MAP4K4: variants seen among roughly 807,000 people sequenced by gnomAD.
The protein encoded by MAP4K4 is HPK/GCK-like kinase HGK.
In MAP4K4, 38 loss-of-function variants were observed where a neutral mutation model predicts 189.6. The ratio of observed to expected loss-of-function variants is 0.20; its 90% CI spans 0.15 to 0.26. The LOEUF (loss-of-function observed/expected upper bound fraction) is 0.26. Ranked by LOEUF, MAP4K4 falls within the 10% of genes least tolerant of loss-of-function variation. The pLI, the probability that MAP4K4 is intolerant of heterozygous loss-of-function variation, is 1.00. For synonymous variants in MAP4K4, 610 were observed against 624.3 expected (o/e 0.98, Z 0.34); for missense variants, 1,054 against 1,726.9 (o/e 0.61, Z 6.91).
chr2:101,778,303 C>T (rs185233950), intron 2 of MAP4K4, among the ~76,000 whole-genome samples: 145 of 152,336 alleles, frequency 9.5e-4, no homozygotes, highest in African/African-American at 3.4e-3. Flanking sequence ...CTCACCTCTG[C>T]GTGTCTCTGA....
chr2:101,780,961 A>G (rs2087034538), intron 2 of MAP4K4, among the ~76,000 whole-genome samples: 1 of 152,180 alleles, frequency 6.6e-6, no homozygotes, highest in African/African-American at 2.4e-5. Context: ...TCTTGCTATT[A>G]AACAAAAATT....
At chr2:101,722,155 CAG>C (rs1345547820) in intron 2 of MAP4K4, among the ~76,000 whole-genome samples, 1 of 152,202 alleles carries the variant, frequency 6.6e-6, no homozygotes, top group African/African-American at 2.4e-5. Context: ...CACTATAAAG[CAG>C]AGAGTCCTAA....
chr2:101,845,694 T>C (rs533127109), intron 12 of MAP4K4, among the ~76,000 whole-genome samples: 1 of 152,242 alleles, frequency 6.6e-6, no homozygotes, highest in Non-Finnish European at 1.5e-5. Context: ...CAGTTCATCA[T>C]TGACCAAAAC....
At chr2:101,844,757 T>C (rs1035514826) in intron 12 of MAP4K4, among the ~76,000 whole-genome samples, 2 of 152,002 alleles carry the variant, frequency 1.3e-5, no homozygotes, top group African/African-American at 2.4e-5. Context: ...TTTTTTTTTT[T>C]CTAAATGCCT....
At chr2:101,802,075 A>G (rs1226893316) in intron 3 of MAP4K4, among the ~76,000 whole-genome samples, 2 of 152,222 alleles carry the variant, frequency 1.3e-5, no homozygotes, top group African/African-American at 4.8e-5. Flanking sequence ...TCAAGTTAGT[A>G]ACTGCTGGTT....
chr2:101,843,998 C>T, intron 11 of MAP4K4, 103 bp from the exon 12 acceptor site: 1 of 740,972 alleles, frequency 1.3e-6, no homozygotes, highest in Non-Finnish European at 2.3e-6. Context: ...CAGAGGAACT[C>T]AGAGAATGAA....
Position 101,698,860 on chromosome 2 carries a change from T to G in MAP4K4, c.123+322T>G, listed in dbSNP as rs1331091467. 5.9e-5 allele frequency among the ~76,000 whole-genome samples: 9 copies of G among 152,314 alleles called. No individual in the cohort carries two copies. The East Asian group carries it at 1.7e-3, about 29-fold the overall frequency. On this transcript the variant is annotated intron_variant, in intron 2 of 32. Transcript: ENST00000324219. Reference sequence around the variant, plus strand: ...TTTCTTTTTTTCCCCAAATCCGGCCTTCTGAGTTTGTGTGTAAATTGAAAT... The same window carrying G: ...TTTCTTTTTTTCCCCAAATCCGGCCGTCTGAGTTTGTGTGTAAATTGAAAT...
chr2:101,829,467 C>T (rs905051794), intron 5 of MAP4K4, 37 bp from the exon 6 acceptor site: 2 of 1,457,000 alleles, frequency 1.4e-6, no homozygotes, highest in Non-Finnish European at 9.5e-7. Flanking sequence ...CTTATAGTCA[C>T]AGAAAACTAA....
At chr2:101,781,314 C>T (rs747743845) in intron 2 of MAP4K4, among the ~76,000 whole-genome samples, 2 of 152,118 alleles carry the variant, frequency 1.3e-5, no homozygotes, top group South Asian at 2.1e-4. Context: ...CTCTTCTGCC[C>T]GTTTTCCCCA....
intron 13 of MAP4K4, among the ~76,000 whole-genome samples, chr2:101,857,243 A>T (rs367738468): frequency 3.4e-5 from 5 of 148,792 alleles, no homozygotes; most frequent in Non-Finnish European, 7.5e-5. Context: ...CACCACTTTT[A>T]AAAAAAAAAA....
chr2:101,848,096 GC>G (rs1396943441), intron 12 of MAP4K4, among the ~76,000 whole-genome samples: 1 of 152,146 alleles, frequency 6.6e-6, no homozygotes, highest in African/African-American at 2.4e-5. Context: ...GTTTGTGTGT[GC>G]ACACTATATG....
chr2:101,851,265 CTGTT>C (rs1247581147), intron 12 of MAP4K4, among the ~76,000 whole-genome samples: 6 of 152,192 alleles, frequency 3.9e-5, no homozygotes, highest in Non-Finnish European at 7.4e-5. Context: ...GTTTTTCTGT[CTGTT>C]TGATTTTATT....
chr2:101,755,041 C>CA (rs2071564843), intron 2 of MAP4K4, among the ~76,000 whole-genome samples: 1 of 152,108 alleles, frequency 6.6e-6, no homozygotes, highest in Non-Finnish European at 1.5e-5. Context: ...TCTATATGGG[C>CA]AGCTGCTTCA....
intron 2 of MAP4K4, among the ~76,000 whole-genome samples, chr2:101,709,530 A>G (rs1003029531): frequency 1.3e-5 from 2 of 152,136 alleles, no homozygotes; most frequent in Non-Finnish European, 2.9e-5. Flanking sequence ...ACAAGAATAC[A>G]GTTTCTTTCT....
intron 2 of MAP4K4, among the ~76,000 whole-genome samples, chr2:101,785,666 C>CTTTTCTTTTCTTTTCTTTTCTTTTCT (rs1558912598): frequency 6.5e-5 from 3 of 46,438 alleles, no homozygotes; most frequent in African/African-American, 5.0e-4. Flanking sequence ...CTTCTTCTTT[C>CTTTTCTTTTCTTTTCTTTTCTTTTCT]TTTCTTTCTC....
chr2:101,852,968 A>G (rs1378288958), intron 12 of MAP4K4, among the ~76,000 whole-genome samples: 1 of 152,238 alleles, frequency 6.6e-6, no homozygotes, highest in East Asian at 1.9e-4. Context: ...TGGCAGACAC[A>G]CTTATTACAA....
At chr2:101,776,213 A>G (rs2084015742) in intron 2 of MAP4K4, among the ~76,000 whole-genome samples, 1 of 152,284 alleles carries the variant, frequency 6.6e-6, no homozygotes, top group Middle Eastern at 3.4e-3. Context: ...AGGCATATTT[A>G]ATTAAAAGTA....
intron 26 of MAP4K4, among the ~76,000 whole-genome samples, chr2:101,876,468 A>G (rs137924080): frequency 6.6e-6 from 1 of 152,214 alleles, no homozygotes; most frequent in Non-Finnish European, 1.5e-5. Flanking sequence ...TTTCTTGATG[A>G]TGGTGGAAAG....
At chr2:101,828,177 T>C (rs1029619778) in intron 5 of MAP4K4, among the ~76,000 whole-genome samples, 4 of 152,222 alleles carry the variant, frequency 2.6e-5, no homozygotes, top group African/African-American at 9.6e-5. Flanking sequence ...CAAGAGTGCA[T>C]GCAAGCCACA....
Sources: allele counts gnomAD v4.1 joint callset (sites outside exome capture counted in the v4.1 genomes callset), GRCh38; gene constraint gnomAD v4.1.1; transcripts MANE v1.5; gene names NCBI Gene and HGNC (gene_info 2026-07-23, HGNC 2026-07-21).